Variants in LRP1B observed in about 807,000 individuals in gnomAD.
The protein encoded by LRP1B is LDL receptor related protein 1B, also known as low-density lipoprotein receptor-related protein 1B.
Under a neutral mutation model 556.6 loss-of-function variants are expected in LRP1B, and 217 were observed. The ratio of observed to expected loss-of-function variants is 0.39; its 90% CI spans 0.35 to 0.44. The LOEUF (loss-of-function observed/expected upper bound fraction) is 0.44, where lower values mean the gene tolerates loss of function less well. LRP1B is among the 20% of genes least tolerant of loss of function. The probability of loss-of-function intolerance (pLI) is 1.00; values close to 1 mark genes in which losing one functional copy is unlikely to be tolerated. For synonymous variants in LRP1B, 2,047 were observed against 1,865.8 expected (o/e 1.10, Z -2.50); for missense variants, 5,053 against 5,620.8 (o/e 0.90, Z 3.23).
chr2:141,418,076 T>A (rs556030731), intron 3 of LRP1B, among the ~76,000 whole-genome samples: 2 of 152,312 alleles, frequency 1.3e-5, no homozygotes, highest in South Asian at 4.1e-4. Context: ...GCCCATTTTT[T>A]AAAATCAGGT....
intron 2 of LRP1B, among the ~76,000 whole-genome samples, chr2:141,499,700 G>T (rs1158368784): frequency 6.6e-6 from 1 of 151,862 alleles, no homozygotes; most frequent in Non-Finnish European, 1.5e-5. Flanking sequence ...ATTAAAGTAT[G>T]ACATTTTTAA....
intron 71 of LRP1B, among the ~76,000 whole-genome samples, chr2:140,368,297 C>T (rs1360842946): frequency 2.6e-5 from 4 of 151,696 alleles, no homozygotes; most frequent in African/African-American, 9.7e-5. Context: ...TAAATTATAA[C>T]AGAGACCTTG....
intron 6 of LRP1B, among the ~76,000 whole-genome samples, chr2:141,219,948 G>A (rs563619528): frequency 1.3e-5 from 2 of 152,186 alleles, no homozygotes; most frequent in East Asian, 3.9e-4. Flanking sequence ...AATATTGAAG[G>A]TAGAAAAACC....
intron 43 of LRP1B, among the ~76,000 whole-genome samples, chr2:140,569,464 C>T (rs991049912): frequency 6.6e-6 from 1 of 151,604 alleles, no homozygotes; most frequent in African/African-American, 2.4e-5. Flanking sequence ...TGAAAAGAGA[C>T]AAAGAAGGTC....
intron 15 of LRP1B, among the ~76,000 whole-genome samples, chr2:141,000,748 G>C (rs541396505): frequency 6.6e-6 from 1 of 151,978 alleles, no homozygotes; most frequent in Non-Finnish European, 1.5e-5. Flanking sequence ...CATGATAAAG[G>C]CTTTGTAGGA....
intron 44 of LRP1B, among the ~76,000 whole-genome samples, 193 bp downstream of exon 44, chr2:140,541,586 A>G (rs1355045933): frequency 6.6e-6 from 1 of 152,156 alleles, no homozygotes; most frequent in African/African-American, 2.4e-5. Context: ...GATAATTTCA[A>G]TATTTTGAAC....
At chr2:140,916,090 A>T (rs1694571426) in intron 21 of LRP1B, among the ~76,000 whole-genome samples, 1 of 152,172 alleles carries the variant, frequency 6.6e-6, no homozygotes, top group African/African-American at 2.4e-5. Context: ...GGAGGCTCAT[A>T]AAAAGAAAAA....
intron 2 of LRP1B, among the ~76,000 whole-genome samples, chr2:141,663,101 G>A (rs1011572979): frequency 3.1e-4 from 47 of 152,132 alleles, no homozygotes; most frequent in East Asian, 3.8e-4. Context: ...GGTAAATAAC[G>A]AAATTAAGGC....
chr2:141,045,404 AAAACTT>A (rs1233581366), intron 11 of LRP1B, among the ~76,000 whole-genome samples: 2 of 150,826 alleles, frequency 1.3e-5, no homozygotes, highest in East Asian at 2.0e-4. Context: ...CATGTACCCT[AAAACTT>A]AAAGTGTAAT....
At chr2:140,983,018 C>T (rs537357713) in intron 17 of LRP1B, among the ~76,000 whole-genome samples, 3 of 152,108 alleles carry the variant, frequency 2.0e-5, no homozygotes, top group Non-Finnish European at 4.4e-5. Context: ...GTGGTTTATT[C>T]AGAAAAGGGG....
chr2:140,561,020 A>G (rs1207174439), intron 43 of LRP1B, among the ~76,000 whole-genome samples: 1 of 152,172 alleles, frequency 6.6e-6, no homozygotes, highest in Non-Finnish European at 1.5e-5. Context: ...GCAGCCTCAG[A>G]AGCAAAGTTT....
intron 6 of LRP1B, among the ~76,000 whole-genome samples, chr2:141,206,586 CAA>C (rs11385393): frequency 7.2e-4 from 107 of 147,748 alleles, no homozygotes; most frequent in African/African-American, 2.5e-3. Context: ...GACTCCGTCT[CAA>C]AAAAAAAATA....
chr2:141,254,442 G>A, intron 4 of LRP1B, 80 bp downstream of exon 4: 1 of 1,416,966 alleles, frequency 7.1e-7, no homozygotes, highest in South Asian at 1.2e-5. Flanking sequence ...CACATGGTAG[G>A]TGCTCAAAGA....
intron 2 of LRP1B, among the ~76,000 whole-genome samples, chr2:141,482,366 G>A (rs893798060): frequency 6.6e-6 from 1 of 151,960 alleles, no homozygotes; most frequent in Non-Finnish European, 1.5e-5. Flanking sequence ...AATTTCATGT[G>A]TATTTATGTA....
intron 1 of LRP1B, among the ~76,000 whole-genome samples, chr2:141,902,277 AGAT>A (rs1447855373): frequency 2.6e-5 from 4 of 151,838 alleles, no homozygotes; most frequent in Non-Finnish European, 4.4e-5. Flanking sequence ...TCCTACTAAA[AGAT>A]GATTAGAATT....
chr2:141,345,319 A>G (rs1688207125), intron 3 of LRP1B, among the ~76,000 whole-genome samples: 1 of 152,180 alleles, frequency 6.6e-6, no homozygotes, highest in South Asian at 2.1e-4. Flanking sequence ...GTTCTTTTAA[A>G]CCATTAAGTT....
At chr2:140,605,856 C>T (rs912700047) in intron 41 of LRP1B, among the ~76,000 whole-genome samples, 19 of 152,054 alleles carry the variant, frequency 1.2e-4, no homozygotes, top group African/African-American at 3.6e-4. Context: ...ACTTCCTCAA[C>T]TTGATAAAAG....
chr2:142,016,221 C>T (rs1045544947), intron 1 of LRP1B, among the ~76,000 whole-genome samples: 1 of 152,086 alleles, frequency 6.6e-6, no homozygotes, highest in African/African-American at 2.4e-5. Flanking sequence ...CGCTTTTACA[C>T]TGTTGGTAGG....
chr2:140,286,231 A>G (rs1413055550), intron 84 of LRP1B, among the ~76,000 whole-genome samples: 1 of 151,878 alleles, frequency 6.6e-6, no homozygotes, highest in Non-Finnish European at 1.5e-5. Context: ...TTTAGCTTTA[A>G]AACCCCTAAG....
Sources: gnomAD v4.1 joint callset for allele counts (sites outside exome capture counted in the v4.1 genomes callset) on GRCh38, gnomAD v4.1.1 for gene constraint, MANE v1.5 for transcripts, NCBI Gene and HGNC (gene_info 2026-07-23, HGNC 2026-07-21) for gene names.